The following GABRG3 variants were observed in gnomAD, a reference collection of about 807,000 sequenced individuals.
GABRG3 encodes the protein gamma-aminobutyric acid receptor subunit gamma-3.
A neutral mutation model predicts 48.8 loss-of-function variants in GABRG3; 25 were observed. The ratio of observed to expected loss-of-function variants is 0.51; its 90% CI spans 0.37 to 0.72. The LOEUF (loss-of-function observed/expected upper bound fraction) is 0.72. Among genes scored for constraint, GABRG3 ranks in the 30% least tolerant of loss-of-function variants. GABRG3 has a pLI of 0.00. For synonymous variants in GABRG3, 227 were observed against 217.6 expected (o/e 1.04, Z -0.38); for missense variants, 394 against 577.9 (o/e 0.68, Z 3.26).
chr15:27,308,377 T>G (rs182816893), intron 3 of GABRG3, among the ~76,000 whole-genome samples: 1 of 133,546 alleles, frequency 7.5e-6, no homozygotes, highest in Non-Finnish European at 1.6e-5. Context: ...ATATAAACAT[T>G]TGTTTATATA....
intron 3 of GABRG3, among the ~76,000 whole-genome samples, chr15:27,142,483 C>T (rs1016021081): frequency 2.6e-5 from 4 of 152,134 alleles, no homozygotes; most frequent in Non-Finnish European, 4.4e-5. Context: ...TTATTCACTA[C>T]CATGAAAACA....
chr15:27,029,381 A>G (rs1165467709), intron 3 of GABRG3, among the ~76,000 whole-genome samples: 2 of 152,180 alleles, frequency 1.3e-5, no homozygotes. Flanking sequence ...ACAACGTACT[A>G]CTAGCCTACC....
intron 5 of GABRG3, among the ~76,000 whole-genome samples, chr15:27,380,773 T>G (rs1226289000): frequency 6.7e-6 from 1 of 150,178 alleles, no homozygotes; most frequent in Non-Finnish European, 1.5e-5. Flanking sequence ...GTTTTTTTTT[T>G]TTTTTTTTGA....
chr15:27,210,970 T>C (rs1388580873), intron 3 of GABRG3, among the ~76,000 whole-genome samples: 1 of 152,218 alleles, frequency 6.6e-6, no homozygotes, highest in East Asian at 1.9e-4. Context: ...TTTTACTATT[T>C]TCCAGAAAGT....
At chr15:27,486,034 C>T (rs967993033) in intron 6 of GABRG3, among the ~76,000 whole-genome samples, 8 of 152,252 alleles carry the variant, frequency 5.3e-5, no homozygotes, top group Non-Finnish European at 7.4e-5. Flanking sequence ...GGGTAGAATG[C>T]GCAGCGTTTT....
chr15:27,186,580 T>C (rs1482868539), intron 3 of GABRG3, among the ~76,000 whole-genome samples: 2 of 152,164 alleles, frequency 1.3e-5, no homozygotes, highest in Non-Finnish European at 2.9e-5. Context: ...TTTAGTCCTT[T>C]GAGAAATCTC....
chr15:27,004,646 A>T (rs1198447992), intron 2 of GABRG3, among the ~76,000 whole-genome samples: 2 of 152,244 alleles, frequency 1.3e-5, no homozygotes, highest in Non-Finnish European at 2.9e-5. Flanking sequence ...ACTGCACTCC[A>T]GCCTGGGCAC....
In GABRG3 at chr15:27,036,254, G is replaced by C. The variant is rs547099667; in HGVS notation, c.270+9433G>C. Among the ~76,000 whole-genome samples the C allele has an allele frequency of 1.0e-3, 156 of 152,324 alleles. 1 individual carries two copies. In the South Asian group the frequency reaches 0.032, roughly 31 times the overall value. ...TATAGAATTTGGGCCGGGCAGGAGA[G>C]GGGAGGAAGCTTCGACATGAGAGCT... On this transcript the variant is annotated intron_variant, in intron 3 of 9. Coordinates refer to ENST00000615808, the MANE Select transcript of GABRG3 (RefSeq NM_033223.5).
At chr15:27,361,003 G>A (rs1824328318) in intron 5 of GABRG3, among the ~76,000 whole-genome samples, 1 of 152,174 alleles carries the variant, frequency 6.6e-6, no homozygotes, top group African/African-American at 2.4e-5. Context: ...ACTGAGAAAG[G>A]GAGATGGTAA....
chr15:27,431,040 T>TAAAG (rs71414508), intron 5 of GABRG3, among the ~76,000 whole-genome samples: 5 of 150,546 alleles, frequency 3.3e-5, no homozygotes, highest in African/African-American at 1.2e-4. Flanking sequence ...AATAAATAAA[T>TAAAG]CAGTAGTATA....
chr15:27,495,436 T>C (rs970626181), intron 6 of GABRG3, among the ~76,000 whole-genome samples: 9 of 152,350 alleles, frequency 5.9e-5, no homozygotes, highest in Admixed American at 4.6e-4. Flanking sequence ...AACATGGGTA[T>C]GCAAATATCT....
rs143607924 is a variant in GABRG3 at position 27,527,151 on chromosome 15, G to A, written c.866-282G>A. ...TAGGACTGCCAAAAAGAGCGTCTAC[G>A]TTAAAAATTACCAACAATGAGCGAA... On this transcript the variant is annotated intron_variant, in intron 7 of 9. Transcript: ENST00000615808. 2.3e-3 allele frequency among the ~76,000 whole-genome samples: 350 copies of A among 152,288 alleles called. 3 individuals carry two copies. Among genetic ancestry groups the A allele is most frequent in the African/African-American group, 7.8e-3 (324 of 41,570 alleles).
intron 3 of GABRG3, among the ~76,000 whole-genome samples, chr15:27,246,344 A>G (rs1236579956): frequency 6.6e-6 from 1 of 152,228 alleles, no homozygotes; most frequent in Non-Finnish European, 1.5e-5. Flanking sequence ...AAGTTGGACT[A>G]GAAGGGAGAA....
chr15:27,452,775 T>C (rs1889148303), intron 5 of GABRG3, among the ~76,000 whole-genome samples: 1 of 152,156 alleles, frequency 6.6e-6, no homozygotes, highest in South Asian at 2.1e-4. Flanking sequence ...TTCAAACCCA[T>C]GTTGTGCAAG....
At chr15:27,491,760 AC>A (rs1466479072) in intron 6 of GABRG3, among the ~76,000 whole-genome samples, 2 of 152,210 alleles carry the variant, frequency 1.3e-5, no homozygotes, top group African/African-American at 4.8e-5. Flanking sequence ...AGAACAAAAA[AC>A]CGACAAACAA....
chr15:27,226,305 T>G (rs1489427625), intron 3 of GABRG3, among the ~76,000 whole-genome samples: 1 of 152,114 alleles, frequency 6.6e-6, no homozygotes, highest in Non-Finnish European at 1.5e-5. Flanking sequence ...CGGGTGCTGC[T>G]GACATGGACA....
Position 27,534,317 on chromosome 15 carries a change from A to C in GABRG3, c.*1436A>C, listed in dbSNP as rs1463641118. 1 of 152,196 alleles carries C rather than the reference A, an allele frequency of 6.6e-6. No homozygotes were observed. Among genetic ancestry groups the C allele is most frequent in the African/African-American group, 2.4e-5 (1 of 41,450 alleles). The allele number at this position is 152,196 out of a possible 1,614,324, so 9.4% of individuals were successfully genotyped here. ...GATACATAGCAAAATCCCAAAGAAA[A>C]AATATCCCCCCAAATCAATACTCTT... is the stretch of plus-strand genomic sequence containing the variant. On this transcript the variant is annotated 3_prime_UTR_variant, in exon 10 of 10. Transcript: ENST00000615808.
chr15:27,285,015 G>A (rs1353683749), intron 3 of GABRG3, among the ~76,000 whole-genome samples: 1 of 152,144 alleles, frequency 6.6e-6, no homozygotes, highest in Admixed American at 6.5e-5. Context: ...TTGTTCTGAG[G>A]GTTTCTTTTA....
intron 2 of GABRG3, among the ~76,000 whole-genome samples, chr15:26,994,226 GACTT>G (rs1358252945): frequency 1.3e-5 from 2 of 151,746 alleles, no homozygotes; most frequent in African/African-American, 4.8e-5. Context: ...GCTAAGTAGG[GACTT>G]ACTTATGCTG....
Sources: allele counts gnomAD v4.1 joint callset (sites outside exome capture counted in the v4.1 genomes callset), GRCh38; gene constraint gnomAD v4.1.1; transcripts MANE v1.5; gene names NCBI Gene and HGNC (gene_info 2026-07-23, HGNC 2026-07-21).